Variants in CAST observed in about 807,000 individuals in gnomAD.
CAST encodes the protein MIR583 host.
A neutral mutation model predicts 119.6 loss-of-function variants in CAST; 76 were observed. That is an observed-to-expected ratio of 0.64 (90% CI 0.53 to 0.77). The LOEUF (loss-of-function observed/expected upper bound fraction) is 0.77. Among genes scored for constraint, CAST ranks in the 30% least tolerant of loss-of-function variants. The probability of loss-of-function intolerance (pLI) is 0.00; values close to 1 mark genes in which losing one functional copy is unlikely to be tolerated. For missense variants in CAST, 953 were observed against 946.5 expected (o/e 1.01, Z -0.09); for synonymous variants, 319 against 331.6 (o/e 0.96, Z 0.41).
At chr5:95,977,960 T>C in the CAST span, among the ~76,000 whole-genome samples, 1 of 151,822 alleles carries the variant, frequency 6.6e-6, no homozygotes, top group African/African-American at 2.4e-5. Flanking sequence ...TCCATGTTCC[T>C]GCAAAGGACA....
the CAST span, among the ~76,000 whole-genome samples, chr5:96,313,217 T>G: frequency 6.6e-6 from 1 of 152,148 alleles, no homozygotes; most frequent in Non-Finnish European, 1.5e-5. Flanking sequence ...TTATATACAA[T>G]AAAATTCACT....
the CAST span, among the ~76,000 whole-genome samples, chr5:96,357,927 C>G: frequency 6.6e-6 from 1 of 152,268 alleles, no homozygotes; most frequent in Middle Eastern, 3.4e-3. Flanking sequence ...TTTTGTACCT[C>G]TGGTAGAATT....
chr5:96,761,745 C>T (rs924966299), intron 24 of CAST: 1 of 153,478 alleles, frequency 6.5e-6, no homozygotes, highest in African/African-American at 2.4e-5. Context: ...AACCTGACAC[C>T]GTATACCACA....
chr5:96,008,756 C>A, the CAST span, among the ~76,000 whole-genome samples: 3,869 of 152,266 alleles, frequency 0.025, 154 homozygotes, highest in African/African-American at 0.087. Flanking sequence ...AAGCTCAAGC[C>A]TACATGGAGG....
At chr5:96,701,774 C>T (rs1326160242) in intron 3 of CAST, among the ~76,000 whole-genome samples, 1 of 149,160 alleles carries the variant, frequency 6.7e-6, no homozygotes, top group Non-Finnish European at 1.5e-5. Context: ...GACTGCACTC[C>T]AGCCTGGGCC....
chr5:95,976,961 A>G, the CAST span, among the ~76,000 whole-genome samples: 1 of 152,144 alleles, frequency 6.6e-6, no homozygotes. Context: ...TGGGCAAGTT[A>G]TTTAACCTCT....
At chr5:96,769,598 G>A (rs928937408) in intron 29 of CAST, 5 of 151,904 alleles carry the variant, frequency 3.3e-5, no homozygotes, top group African/African-American at 1.2e-4. Context: ...TGTGACAAAA[G>A]CAGCTAAAAT....
the CAST span, among the ~76,000 whole-genome samples, chr5:96,212,523 C>A: frequency 6.6e-6 from 1 of 152,104 alleles, no homozygotes; most frequent in Non-Finnish European, 1.5e-5. Flanking sequence ...AGTATAGGTT[C>A]CATGGGCTCT....
the CAST span, among the ~76,000 whole-genome samples, chr5:96,345,331 T>G: frequency 6.6e-6 from 1 of 152,126 alleles, no homozygotes; most frequent in Non-Finnish European, 1.5e-5. Context: ...TTAATACATG[T>G]GTTGGATGAT....
At chr5:96,452,512 G>A in the CAST span, among the ~76,000 whole-genome samples, 2 of 151,946 alleles carry the variant, frequency 1.3e-5, no homozygotes, top group Non-Finnish European at 2.9e-5. Context: ...GGCCAGTGGA[G>A]AGATAGCATT....
chr5:96,504,211 T>G, the CAST span, among the ~76,000 whole-genome samples: 1 of 152,160 alleles, frequency 6.6e-6, no homozygotes, highest in East Asian at 1.9e-4. Context: ...CTTATCACTC[T>G]CCACCCTCTC....
the CAST span, among the ~76,000 whole-genome samples, chr5:96,118,332 C>G: frequency 2.0e-5 from 3 of 152,106 alleles, no homozygotes; most frequent in Non-Finnish European, 2.9e-5. Flanking sequence ...TGTTCCCTCT[C>G]CCAATTGTGG....
In CAST at chr5:96,617,454, T is replaced by C. The variant is rs1286980640; in HGVS notation, c.61-58085T>C. Among the ~76,000 whole-genome samples, 3 of 152,196 alleles carry C rather than the reference T, an allele frequency of 2.0e-5. No homozygotes were observed. In the East Asian group the frequency reaches 5.8e-4, roughly 29 times the overall value. ...TTGGACATTATTCACCTGAAGTTTG[T>C]ATATTTTAATCTTTATGCAGGCATC... On this transcript the variant is annotated intron_variant, in intron 1 of 11. Transcript: ENST00000505143.
the CAST span, among the ~76,000 whole-genome samples, chr5:96,241,118 T>A: frequency 1.3e-5 from 2 of 151,944 alleles, no homozygotes; most frequent in Non-Finnish European, 2.9e-5. Context: ...ATGTGCAGGT[T>A]AGTTACATAT....
the CAST span, among the ~76,000 whole-genome samples, chr5:96,192,249 C>G: frequency 6.6e-6 from 1 of 152,156 alleles, no homozygotes; most frequent in East Asian, 1.9e-4. Context: ...AGGTCCAATG[C>G]TTGAGAATGA....
the CAST span, among the ~76,000 whole-genome samples, chr5:96,485,862 C>T: frequency 1.3e-5 from 2 of 152,108 alleles, no homozygotes; most frequent in Non-Finnish European, 2.9e-5. Context: ...GAACCATTCA[C>T]CTTACAATTA....
At chr5:96,286,625 A>C in the CAST span, among the ~76,000 whole-genome samples, 1 of 152,140 alleles carries the variant, frequency 6.6e-6, no homozygotes, top group African/African-American at 2.4e-5. Context: ...TTTTTTCTCC[A>C]ACAAGGTCTG....
intron 1 of CAST, among the ~76,000 whole-genome samples, chr5:96,610,320 C>T (rs1416044474): frequency 3.9e-5 from 6 of 152,164 alleles, no homozygotes; most frequent in Non-Finnish European, 5.9e-5. Flanking sequence ...TAAAGTACCC[C>T]GTCTCAGGTA....
the CAST span, among the ~76,000 whole-genome samples, chr5:96,484,685 T>C: frequency 6.6e-6 from 1 of 152,162 alleles, no homozygotes; most frequent in Non-Finnish European, 1.5e-5. Flanking sequence ...CACTAGAGAA[T>C]ATCTTGAGCT....
Sources: allele counts gnomAD v4.1 joint callset (sites outside exome capture counted in the v4.1 genomes callset), GRCh38; gene constraint gnomAD v4.1.1; transcripts MANE v1.5; gene names NCBI Gene and HGNC (gene_info 2026-07-23, HGNC 2026-07-21).